Variants in MCF2L observed in about 807,000 individuals in gnomAD.
MCF2L encodes MCF.2 cell line derived transforming sequence like, also known as guanine nucleotide exchange factor DBS.
In MCF2L, 97 loss-of-function variants were observed where a neutral mutation model predicts 153.4. The observed-to-expected ratio is 0.63, with a 90% CI of 0.54 to 0.75. MCF2L has a LOEUF of 0.75. Ranked by LOEUF, MCF2L falls within the 30% of genes least tolerant of loss-of-function variation. MCF2L has a pLI of 0.00. For missense variants in MCF2L, 1,347 were observed against 1,495.2 expected, an observed-to-expected ratio of 0.90 and a Z score of 1.64; for synonymous variants, 659 against 632.2, an observed-to-expected ratio of 1.04 and a Z score of -0.64.
chr13:113,087,993 G>A (rs577850429), intron 23 of MCF2L, among the ~76,000 whole-genome samples, 194 bp downstream of exon 23: 14 of 152,228 alleles, frequency 9.2e-5, no homozygotes, highest in African/African-American at 3.1e-4. Flanking sequence ...CACATCAGAC[G>A]GGGTGCTGCG....
At chr13:112,973,307 G>T (rs1415921974) in intron 1 of MCF2L, among the ~76,000 whole-genome samples, 1 of 152,186 alleles carries the variant, frequency 6.6e-6, no homozygotes, top group Non-Finnish European at 1.5e-5. Flanking sequence ...AGCCAAATGA[G>T]GTACGTCTGT....
At chr13:113,039,691 A>G (rs2086362150) in intron 3 of MCF2L, among the ~76,000 whole-genome samples, 1 of 152,230 alleles carries the variant, frequency 6.6e-6, no homozygotes, top group Admixed American at 6.5e-5. Context: ...GATAGCCACT[A>G]GACACAGAAG....
In MCF2L at chr13:113,087,730, G is replaced by T. The variant is rs2034772596; in HGVS notation, c.2619G>T (p.Glu873Asp). 1 of 1,614,092 alleles carries T rather than the reference G, an allele frequency of 6.2e-7. No homozygotes were observed. Among genetic ancestry groups the T allele is most frequent in the Non-Finnish European group, 8.5e-7 (1 of 1,180,022 alleles). The change falls in exon 23 of 30, where the codon GAG (glutamate) becomes GAT (aspartate). Residue 873 changes from glutamate (E) to aspartate (D), a missense_variant. Glu to Asp is a conservative substitution (Grantham distance 45). This residue lies in a region of MCF2L where 144 missense variants were observed against 238.7 expected (regional missense o/e 0.60). Transcript: ENST00000535094. ...SLNMAAVGITENVKGDAKKFE... is the reference protein window; with the variant it reads ...SLNMAAVGITDNVKGDAKKFE... The stretch of plus-strand genomic sequence containing the variant: ...AGATGGCTGCCGTTGGCATTACGGA[G>T]AACGTGAAGGGAGATGCTAAGAAGT...
chr13:113,048,287 C>T lies in MCF2L; in HGVS notation c.369+2926C>T, dbSNP rs141309644. Among the ~76,000 whole-genome samples, 208 of 152,292 alleles carry T rather than the reference C, an allele frequency of 1.4e-3. 2 individuals carry two copies. The highest frequency in any genetic ancestry group is 4.8e-3 in the African/African-American group (201 of 41,564). ...GTTTTTATTTTTGCATTGATTCTTA[C>T]ACCATAAAAATATGGCTTTTTCTGT... On this transcript the variant is annotated intron_variant, in intron 4 of 29. Transcript: ENST00000535094.
chr13:113,061,735 C>A (rs1201248078), intron 5 of MCF2L, among the ~76,000 whole-genome samples: 6 of 77,328 alleles, frequency 7.8e-5, no homozygotes, highest in African/African-American at 2.0e-4. Context: ...GCCCTCCCCT[C>A]CCTCTTCCCT....
At chr13:112,950,795 T>C (rs1408510528) in intron 2 of MCF2L, among the ~76,000 whole-genome samples, 1 of 152,134 alleles carries the variant, frequency 6.6e-6, no homozygotes, top group Non-Finnish European at 1.5e-5. Flanking sequence ...AAAAATATAG[T>C]AGACAACACT....
intron 1 of MCF2L, chr13:113,008,979 G>C (rs923497931): frequency 9.8e-5 from 14 of 142,744 alleles, no homozygotes; most frequent in Non-Finnish European, 4.5e-5. Flanking sequence ...GCTTGCGGGC[G>C]GGCGGGCGAG....
intron 2 of MCF2L, among the ~76,000 whole-genome samples, chr13:112,930,161 A>G (rs964142617): frequency 6.6e-6 from 1 of 151,996 alleles, no homozygotes; most frequent in Non-Finnish European, 1.5e-5. Flanking sequence ...AGCTAAATGC[A>G]CTCTTACCAT....
chr13:113,059,661 G>A (rs1354988050), intron 4 of MCF2L, among the ~76,000 whole-genome samples: 2 of 152,140 alleles, frequency 1.3e-5, no homozygotes, highest in Admixed American at 1.3e-4. Context: ...CGCCACGCAC[G>A]CCTTGGTCCA....
intron 22 of MCF2L, 46 bp from the exon 23 acceptor site, chr13:113,087,661 T>C (rs1427636319): frequency 6.7e-7 from 1 of 1,489,510 alleles, no homozygotes; most frequent in African/African-American, 1.4e-5. Context: ...AACAAGGCAG[T>C]GGGTTCACTG....
intron 13 of MCF2L, 116 bp downstream of exon 13, chr13:113,077,327 T>A: frequency 3.3e-6 from 4 of 1,209,914 alleles, no homozygotes; most frequent in Non-Finnish European, 4.4e-6. Flanking sequence ...ACACGCCTCC[T>A]CCCCTTCCAC....
At chr13:113,090,884 G>A (rs1018566628) in intron 26 of MCF2L, 12 of 1,163,158 alleles carry the variant, frequency 1.0e-5, no homozygotes, top group East Asian at 1.3e-4. Context: ...GACGGGCCCC[G>A]AAAGGACGCC....
At position 113,027,635 on chromosome 13, in the gene MCF2L, C is replaced by T. The variant is rs1344898807; in HGVS notation, c.278+2877C>T. On this transcript the variant is annotated intron_variant, in intron 3 of 29. Coordinates refer to ENST00000535094, the MANE Select transcript of MCF2L (RefSeq NM_001112732.3). This position sits in a 1 kb window ranked among gnomAD's most constrained non-coding sequence, Gnocchi z 4.8. ...GGGGCTGGGTCTCGGGCCGAGCGGC[C>T]GAGCTCCCTGAGGGGCTGATGGGAC... is the stretch of plus-strand genomic sequence containing the variant. Among the ~76,000 whole-genome samples, 4 of 152,130 alleles carry T rather than the reference C, an allele frequency of 2.6e-5. No homozygotes were observed. The highest frequency in any genetic ancestry group is 5.9e-5 in the Non-Finnish European group (4 of 68,012).
rs532784981 is a variant in MCF2L, at chr13:113,076,132, A to T, written c.1475A>T (p.Glu492Val). The change falls in exon 12 of 30, where the codon GAA becomes GTA. Residue 492 changes from glutamate (E) to valine (V), a missense_variant. By Grantham distance (121) the Glu-to-Val change is moderately radical. Coordinates refer to ENST00000535094, the MANE Select transcript of MCF2L (RefSeq NM_001112732.3). ...CTCAACGCGATTTACAAGGAATACG[A>T]ATCCATCCTCAACCAAGATCTCATG... is the stretch of plus-strand genomic sequence containing the variant. Reference protein sequence around the residue: ...QELNAIYKEYESILNQDLMEH... With the variant: ...QELNAIYKEYVSILNQDLMEH... The T allele has an allele frequency of 3.7e-6, 6 of 1,613,670 alleles. No individual in the cohort carries two copies. The Admixed American group carries it at 1.0e-4, about 27-fold the overall frequency.
At chr13:112,999,472 G>A (rs2083273107) in intron 1 of MCF2L, among the ~76,000 whole-genome samples, 1 of 152,224 alleles carries the variant, frequency 6.6e-6, no homozygotes. Flanking sequence ...TTCTGTGAGA[G>A]CCTCCTGCTC....
At chr13:113,026,671 T>G (rs1406848107) in intron 3 of MCF2L, among the ~76,000 whole-genome samples, 1 of 152,268 alleles carries the variant, frequency 6.6e-6, no homozygotes, top group African/African-American at 2.4e-5. Flanking sequence ...CCCGTCCACG[T>G]GGCCTCTCTG....
At chr13:112,985,495 C>T (rs2082600154) in intron 1 of MCF2L, 1 of 470,488 alleles carries the variant, frequency 2.1e-6, no homozygotes, top group South Asian at 1.5e-5. Flanking sequence ...TCTCCTCGTC[C>T]CCTGTGAGTC....
At chr13:113,092,667 C>T (rs2142107387) in intron 26 of MCF2L, among the ~76,000 whole-genome samples, 1 of 152,392 alleles carries the variant, frequency 6.6e-6, no homozygotes, top group South Asian at 2.1e-4. Flanking sequence ...CACCCGGCCT[C>T]CTGCCTTCAC....
intron 2 of MCF2L, among the ~76,000 whole-genome samples, chr13:112,937,545 C>G (rs2081527213): frequency 6.6e-6 from 1 of 152,160 alleles, no homozygotes. Context: ...AAGCTGCAGC[C>G]TTTGGTGTGA....
Sources: gnomAD v4.1 joint callset for allele counts (sites outside exome capture counted in the v4.1 genomes callset) on GRCh38, gnomAD v4.1.1 for gene constraint, gnomAD v4.1.1 regional missense constraint, Gnocchi (gnomAD v3.1) non-coding constraint, MANE v1.5 for transcripts, NCBI Gene and HGNC (gene_info 2026-07-23, HGNC 2026-07-21) for gene names.